The following THSD7B variants were observed in gnomAD, a reference collection of about 807,000 sequenced individuals.
THSD7B encodes the protein thrombospondin type 1 domain containing 7B.
In THSD7B, 138 loss-of-function variants were observed where a neutral mutation model predicts 213.6. The observed-to-expected ratio is 0.65, with a 90% confidence interval of 0.56 to 0.74. The LOEUF is 0.74. THSD7B is among the 30% of genes least tolerant of loss of function. THSD7B has a pLI of 0.00. For missense variants in THSD7B, 1,931 were observed against 1,991.5 expected (o/e 0.97, Z 0.58); for synonymous variants, 742 against 687.0 (o/e 1.08, Z -1.25).
At chr2:137,568,850 C>T (rs1356139393) in intron 16 of THSD7B, among the ~76,000 whole-genome samples, 6 of 152,108 alleles carry the variant, frequency 3.9e-5, no homozygotes, top group African/African-American at 7.2e-5. Context: ...CCATATCAGC[C>T]GGTATTCTGG....
At chr2:137,433,894 G>A (rs1687238165) in intron 14 of THSD7B, among the ~76,000 whole-genome samples, 1 of 152,070 alleles carries the variant, frequency 6.6e-6, no homozygotes, top group Non-Finnish European at 1.5e-5. Context: ...TGCCCTTTGG[G>A]TACCATAATG....
At chr2:137,007,339 C>T (rs1415924824) in intron 2 of THSD7B, among the ~76,000 whole-genome samples, 2 of 152,052 alleles carry the variant, frequency 1.3e-5, no homozygotes, top group African/African-American at 4.8e-5. Context: ...ACTAATTATC[C>T]ACAGGGATGT....
chr2:137,417,289 C>A (rs1686819027), intron 14 of THSD7B, among the ~76,000 whole-genome samples: 1 of 152,100 alleles, frequency 6.6e-6, no homozygotes, highest in Non-Finnish European at 1.5e-5. Flanking sequence ...TGAAATATTT[C>A]TCTTACAACT....
intron 12 of THSD7B, among the ~76,000 whole-genome samples, chr2:137,400,240 C>G (rs2104995539): frequency 6.6e-6 from 1 of 152,102 alleles, no homozygotes; most frequent in East Asian, 1.9e-4. Flanking sequence ...TTTTAGCTAG[C>G]ATCTATTGCT....
chr2:137,591,157 T>G, intron 17 of THSD7B, among the ~76,000 whole-genome samples: 1 of 151,942 alleles, frequency 6.6e-6, no homozygotes, highest in East Asian at 1.9e-4. Context: ...TATCTGATCT[T>G]TTTATTTTCT....
intron 5 of THSD7B, among the ~76,000 whole-genome samples, chr2:137,141,665 C>A (rs1679589564): frequency 7.6e-6 from 1 of 130,988 alleles, no homozygotes; most frequent in Non-Finnish European, 1.7e-5. Flanking sequence ...AACTCCATGC[C>A]CCTGTGTGTG....
At chr2:137,050,043 T>G (rs1020160846) in intron 2 of THSD7B, among the ~76,000 whole-genome samples, 1 of 152,188 alleles carries the variant, frequency 6.6e-6, no homozygotes, top group South Asian at 2.1e-4. Flanking sequence ...TGTGTGACCT[T>G]GGGCAAGTCA....
intron 5 of THSD7B, among the ~76,000 whole-genome samples, chr2:137,125,868 T>C (rs185654181): frequency 2.6e-5 from 4 of 152,304 alleles, no homozygotes; most frequent in African/African-American, 7.2e-5. Context: ...CTATGAGTCA[T>C]GAAAACATTA....
intron 12 of THSD7B, among the ~76,000 whole-genome samples, chr2:137,327,783 CTTTCTT>C (rs1321752188): frequency 6.6e-6 from 1 of 152,148 alleles, no homozygotes; most frequent in Non-Finnish European, 1.5e-5. Context: ...ATTAGTTATA[CTTTCTT>C]TTTAGCACAA....
In THSD7B at chr2:136,882,348, A is replaced by G. The variant is rs973936567; in HGVS notation, c.139+31A>G. ...AATGTCCTGGCTGTTCCTTTGTCCT[A>G]TTTTCATTAACAGGAAGAATATTCT... is the stretch of plus-strand genomic sequence containing the variant. On this transcript the variant is annotated intron_variant, in intron 2 of 27. Transcript: ENST00000409968. 4.6e-5 allele frequency: 68 copies of G among 1,466,500 alleles called. No individual in the cohort carries two copies. The Middle Eastern group carries it at 1.1e-3, about 23-fold the overall frequency. 90.8% of individuals were successfully genotyped at this position (1,466,500 alleles called of 1,614,324 possible). A position where few individuals can be genotyped will look rare whatever the true frequency, so the allele number is the denominator to read the frequency against.
intron 1 of THSD7B, among the ~76,000 whole-genome samples, chr2:136,811,095 C>A (rs1294799655): frequency 1.3e-5 from 2 of 151,934 alleles, no homozygotes; most frequent in African/African-American, 4.8e-5. Context: ...AACTCAGGTC[C>A]CCTGAGAAGG....
intron 7 of THSD7B, among the ~76,000 whole-genome samples, chr2:137,214,155 GTATATGTTTTTCTCA>G (rs1029859136): frequency 6.6e-6 from 1 of 152,048 alleles, no homozygotes; most frequent in African/African-American, 2.4e-5. Context: ...TAATGGCAGT[GTATATGTTTTTCTCA>G]TATACCTTGT....
At chr2:136,977,489 TGTC>T (rs1685499578) in intron 2 of THSD7B, among the ~76,000 whole-genome samples, 1 of 152,180 alleles carries the variant, frequency 6.6e-6, no homozygotes, top group South Asian at 2.1e-4. Context: ...GGTTGTTTCT[TGTC>T]TTCTGCTGGC....
At chr2:137,465,292 T>C (rs1444245628) in intron 15 of THSD7B, among the ~76,000 whole-genome samples, 1 of 151,720 alleles carries the variant, frequency 6.6e-6, no homozygotes, top group East Asian at 1.9e-4. Flanking sequence ...ACTAAGACAT[T>C]CCAGGACAAT....
intron 3 of THSD7B, among the ~76,000 whole-genome samples, chr2:137,085,002 G>T (rs1380650464): frequency 6.6e-6 from 1 of 152,288 alleles, no homozygotes; most frequent in Non-Finnish European, 1.5e-5. Flanking sequence ...CTGTGAAAAT[G>T]CAGGGTAAAA....
intron 3 of THSD7B, among the ~76,000 whole-genome samples, chr2:137,078,485 T>A (rs1271019667): frequency 6.6e-6 from 1 of 152,174 alleles, no homozygotes; most frequent in Non-Finnish European, 1.5e-5. Flanking sequence ...TCTTTTTATA[T>A]CTATGTGTTT....
rs916293105 is a variant in THSD7B at position 137,618,384 on chromosome 2, G to C, written c.3566-8G>C. 2.5e-6 allele frequency: 4 copies of C among 1,612,874 alleles called. No individual in the cohort carries two copies. The highest frequency in any genetic ancestry group is 3.4e-6 in the Non-Finnish European group (4 of 1,179,270). The stretch of plus-strand genomic sequence containing the variant: ...TGAAACTCAGTGTGGGTGATCCTAT[G>C]CCTGTAGAGTGGAGCACATGCCAGC... On this transcript the variant is annotated splice_region_variant and splice_polypyrimidine_tract_variant and intron_variant, in intron 18 of 27. Coordinates refer to ENST00000409968, the MANE Select transcript of THSD7B (RefSeq NM_001316349.2).
rs1688082568 is a variant in THSD7B at position 137,470,942 on chromosome 2, CAG to C, written c.3138+19922_3138+19923del. ...TTTTTTTTTTTTTTCTTTTTTGAGA[CAG>C]AGTCTCACTTCATCACTCAGGCTGG... On this transcript the variant is annotated intron_variant, in intron 15 of 27. Transcript: ENST00000409968. 1.0e-4 allele frequency among the ~76,000 whole-genome samples: 13 copies of C among 128,224 alleles called. No individual in the cohort carries two copies. In the Admixed American group the frequency reaches 1.1e-3, roughly 11 times the overall value. 84.1% of individuals were successfully genotyped at this position (128,224 alleles called of 152,430 possible).
chr2:137,004,296 TAC>T (rs34674642), intron 2 of THSD7B, among the ~76,000 whole-genome samples: 21,267 of 131,122 alleles, frequency 0.16, 1,635 homozygotes, highest in Non-Finnish European at 0.19. Context: ...TGTGCACACG[TAC>T]ACACACACAC....
Sources: gnomAD v4.1 joint callset for allele counts (sites outside exome capture counted in the v4.1 genomes callset) on GRCh38, gnomAD v4.1.1 for gene constraint, MANE v1.5 for transcripts, NCBI Gene and HGNC (gene_info 2026-07-23, HGNC 2026-07-21) for gene names.